The following FMN2 variants were observed in gnomAD, a reference collection of about 807,000 sequenced individuals.
FMN2 encodes formin-2.
Under a neutral mutation model 142.3 loss-of-function variants are expected in FMN2, and 51 were observed. The ratio of observed to expected loss-of-function variants is 0.36; its 90% CI spans 0.29 to 0.45. The LOEUF (loss-of-function observed/expected upper bound fraction) is 0.45, where lower values mean the gene tolerates loss of function less well. Among genes scored for constraint, FMN2 ranks in the 20% least tolerant of loss-of-function variants. The probability of loss-of-function intolerance (pLI) is 1.00; values close to 1 mark genes in which losing one functional copy is unlikely to be tolerated. For missense variants in FMN2, 1,936 were observed against 2,122.8 expected, an observed-to-expected ratio of 0.91 and a Z score of 1.73; for synonymous variants, 882 against 869.8, an observed-to-expected ratio of 1.01 and a Z score of -0.25.
intron 15 of FMN2, among the ~76,000 whole-genome samples, chr1:240,420,644 A>G (rs1285463110): frequency 6.6e-6 from 1 of 152,150 alleles, no homozygotes; most frequent in Non-Finnish European, 1.5e-5. Flanking sequence ...ACCTGATAAA[A>G]TGTGCTGGTG....
At chr1:240,228,294 ACT>A (rs1268047542) in intron 6 of FMN2, among the ~76,000 whole-genome samples, 1 of 125,048 alleles carries the variant, frequency 8.0e-6, no homozygotes, top group Admixed American at 9.0e-5. Context: ...CAAGAGTGAA[ACT>A]CTGTCTCAAA....
rs559613577 is a variant in FMN2 at position 240,287,850 on chromosome 1, ATGAGGAACT to A, written c.4154-6967_4154-6959del. ...TCTTCTTATTAGGTCCATTCTGCAG[ATGAGGAACT>A]TGAGACTCTCTGGGTTATGCAGATA... On this transcript the variant is annotated intron_variant, in intron 7 of 17. Transcript: ENST00000319653. Among the ~76,000 whole-genome samples the A allele has an allele frequency of 7.2e-5, 11 of 152,294 alleles. 1 individual carries two copies. The South Asian group carries it at 2.1e-3, about 29-fold the overall frequency.
At chr1:240,167,163 T>C (rs1664515370) in intron 2 of FMN2, among the ~76,000 whole-genome samples, 1 of 152,252 alleles carries the variant, frequency 6.6e-6, no homozygotes, top group Non-Finnish European at 1.5e-5. Flanking sequence ...CCAAAAGGGA[T>C]AGGTTTTTAA....
chr1:240,394,984 A>G lies in FMN2; in HGVS notation c.4910+2422A>G, dbSNP rs1427541067. 4.6e-5 allele frequency among the ~76,000 whole-genome samples: 7 copies of G among 152,124 alleles called. No homozygotes were observed. The East Asian group carries it at 1.4e-3, about 29-fold the overall frequency. Reference sequence around the variant, plus strand: ...CTCATTCTCAAAAATAAGTAAATAAATAAATTTTTTAAAAAGTGAAGCTTC... The same window carrying G: ...CTCATTCTCAAAAATAAGTAAATAAGTAAATTTTTTAAAAAGTGAAGCTTC... On this transcript the variant is annotated intron_variant, in intron 15 of 17. Transcript: ENST00000319653.
chr1:240,442,119 CCT>C (rs1675640887), intron 16 of FMN2, among the ~76,000 whole-genome samples: 1 of 152,054 alleles, frequency 6.6e-6, no homozygotes, highest in Admixed American at 6.6e-5. Flanking sequence ...TTTCAAATGT[CCT>C]CTCTCTATTC....
intron 13 of FMN2, among the ~76,000 whole-genome samples, chr1:240,336,925 A>G (rs574771779): frequency 6.6e-6 from 1 of 152,240 alleles, no homozygotes; most frequent in South Asian, 2.1e-4. Flanking sequence ...ATGAAAAACA[A>G]GATGTTTTAT....
rs142237454 is a variant in FMN2, at chr1:240,320,561, A to G, written c.4216-8515A>G. Reference sequence around the variant, plus strand: ...TAAAAGTAGAGGAAATGTTTTGTTTAGTATAAAGAAGCCCATAGTTTTGGT... The same window carrying G: ...TAAAAGTAGAGGAAATGTTTTGTTTGGTATAAAGAAGCCCATAGTTTTGGT... On this transcript the variant is annotated intron_variant, in intron 8 of 17. Transcript: ENST00000319653. Among the ~76,000 whole-genome samples the G allele has an allele frequency of 2.3e-3, 350 of 152,342 alleles. 1 individual carries two copies. The highest frequency in any genetic ancestry group is 3.8e-3 in the Non-Finnish European group (256 of 68,030).
intron 8 of FMN2, among the ~76,000 whole-genome samples, chr1:240,317,265 G>A (rs965207629): frequency 4.0e-5 from 6 of 151,274 alleles, no homozygotes; most frequent in African/African-American, 1.2e-4. Context: ...GCAGTGAGCC[G>A]ATATCATGCC....
intron 7 of FMN2, among the ~76,000 whole-genome samples, chr1:240,292,459 T>G (rs1179528112): frequency 6.6e-6 from 1 of 152,208 alleles, no homozygotes; most frequent in Admixed American, 6.5e-5. Flanking sequence ...CCCACCCAAA[T>G]AGCTCCAACT....
chr1:240,319,612 G>A (rs1670903823), intron 8 of FMN2, among the ~76,000 whole-genome samples: 2 of 152,214 alleles, frequency 1.3e-5, no homozygotes, highest in Non-Finnish European at 2.9e-5. Context: ...GTTAGTTCTT[G>A]TAGACTGAAA....
At chr1:240,140,691 T>G (rs1194781380) in intron 2 of FMN2, among the ~76,000 whole-genome samples, 4 of 152,168 alleles carry the variant, frequency 2.6e-5, no homozygotes, top group African/African-American at 9.7e-5. Flanking sequence ...TCTCTTCCAT[T>G]TTGCAGAAGT....
chr1:240,458,086 T>G (rs1213462032), intron 16 of FMN2: 1 of 152,108 alleles, frequency 6.6e-6, no homozygotes, highest in Admixed American at 6.6e-5. Flanking sequence ...CTTGAGGCAT[T>G]GGTATATGTA....
At chr1:240,150,134 A>G (rs1049727777) in intron 2 of FMN2, among the ~76,000 whole-genome samples, 1 of 152,224 alleles carries the variant, frequency 6.6e-6, no homozygotes, top group Non-Finnish European at 1.5e-5. Context: ...TAAAGGTTAT[A>G]TGCTCCTTTA....
At position 240,338,997 on chromosome 1, in the gene FMN2, G is replaced by A. The variant is rs373554252; in HGVS notation, c.4765+4768G>A. 8.5e-5 allele frequency among the ~76,000 whole-genome samples: 13 copies of A among 152,222 alleles called. No homozygotes were observed. In the South Asian group the frequency reaches 2.1e-3, roughly 24 times the overall value. On this transcript the variant is annotated intron_variant, in intron 13 of 17. Transcript: ENST00000319653. Reference sequence around the variant, plus strand: ...GAGATCCTGCACATGCGCAGTTCACGGTAGGGTCCTGGCTCCTATGAGAGT... The same window carrying A: ...GAGATCCTGCACATGCGCAGTTCACAGTAGGGTCCTGGCTCCTATGAGAGT...
At chr1:240,185,170 C>CCTTTCCCCTTCTCTTTCTCCCTCCTAT (rs1336143774) in intron 3 of FMN2, among the ~76,000 whole-genome samples, 3 of 37,416 alleles carry the variant, frequency 8.0e-5, no homozygotes, top group African/African-American at 2.3e-4. Flanking sequence ...CTCCCTCCTA[C>CCTTTCCCCTTCTCTTTCTCCCTCCTAT]ACCTTTCCCC....
At chr1:240,395,307 A>G (rs1673737871) in intron 15 of FMN2, among the ~76,000 whole-genome samples, 1 of 152,254 alleles carries the variant, frequency 6.6e-6, no homozygotes, top group South Asian at 2.1e-4. Context: ...CTGGAGATGT[A>G]CAAAGAGAAT....
At chr1:240,101,116 T>C (rs1434608417) in intron 1 of FMN2, among the ~76,000 whole-genome samples, 1 of 152,188 alleles carries the variant, frequency 6.6e-6, no homozygotes, top group East Asian at 1.9e-4. Context: ...CCTTTTCCGT[T>C]TTACCACCAG....
At chr1:240,098,096 A>ATTTTTTTTTT (rs1558293621) in intron 1 of FMN2, among the ~76,000 whole-genome samples, 3 of 81,194 alleles carry the variant, frequency 3.7e-5, no homozygotes, top group African/African-American at 2.1e-4. Flanking sequence ...GGTTATCTTG[A>ATTTTTTTTTT]ATTTTTTTTT....
At chr1:240,148,512 GGA>G (rs368426953) in intron 2 of FMN2, among the ~76,000 whole-genome samples, 9 of 150,154 alleles carry the variant, frequency 6.0e-5, no homozygotes, top group African/African-American at 9.8e-5. Context: ...AGAGAGAGAA[GGA>G]GAGAGAGAGA....
Sources: gnomAD v4.1 joint callset for allele counts (sites outside exome capture counted in the v4.1 genomes callset) on GRCh38, gnomAD v4.1.1 for gene constraint, MANE v1.5 for transcripts, NCBI Gene and HGNC (gene_info 2026-07-23, HGNC 2026-07-21) for gene names.